The following HMBOX1 variants were observed in gnomAD, a reference collection of about 807,000 sequenced individuals.
HMBOX1 encodes the protein homeobox containing 1, also known as homeobox-containing protein 1.
HMBOX1 carries 14 observed loss-of-function variants against 54.5 expected under a neutral mutation model. That is an observed-to-expected ratio of 0.26 (90% CI 0.17 to 0.40). The LOEUF (loss-of-function observed/expected upper bound fraction) is 0.40, where lower values mean the gene tolerates loss of function less well. Among genes scored for constraint, HMBOX1 ranks in the 10% least tolerant of loss-of-function variants. The pLI, the probability that HMBOX1 is intolerant of heterozygous loss-of-function variation, is 1.00. For missense variants in HMBOX1, 332 were observed against 514.4 expected, an observed-to-expected ratio of 0.65 and a Z score of 3.43; for synonymous variants, 160 against 181.0, an observed-to-expected ratio of 0.88 and a Z score of 0.93.
chr8:29,018,540 T>C (rs1242658039), intron 5 of HMBOX1, among the ~76,000 whole-genome samples: 1 of 152,178 alleles, frequency 6.6e-6, no homozygotes, highest in Non-Finnish European at 1.5e-5. Context: ...TTATAACTTA[T>C]TTGAATGGTT....
intron 4 of HMBOX1, among the ~76,000 whole-genome samples, chr8:29,003,555 A>ATATATATATATATATATAT (rs1832971970): frequency 7.0e-5 from 5 of 71,314 alleles, no homozygotes; most frequent in South Asian, 5.6e-4. Flanking sequence ...TTCTGTATTA[A>ATATATATATATATATATAT]ATATATATAT....
intron 1 of HMBOX1, chr8:28,891,169 GA>G: frequency 6.5e-6 from 1 of 152,970 alleles, no homozygotes; most frequent in South Asian, 2.0e-4. Flanking sequence ...GGGCGGGCGT[GA>G]GGTCCTGGTG....
intron 1 of HMBOX1, among the ~76,000 whole-genome samples, chr8:28,945,407 C>G (rs767225707): frequency 1.3e-5 from 2 of 152,212 alleles, no homozygotes; most frequent in Non-Finnish European, 2.9e-5. Flanking sequence ...CTTACTTTAT[C>G]CAACTCCAAG....
intron 4 of HMBOX1, among the ~76,000 whole-genome samples, chr8:28,983,609 A>G (rs951460369): frequency 6.6e-6 from 1 of 152,170 alleles, no homozygotes; most frequent in Non-Finnish European, 1.5e-5. Context: ...CTTTCCTTAC[A>G]CAAAGAGTCT....
intron 1 of HMBOX1, among the ~76,000 whole-genome samples, chr8:28,910,321 G>A (rs2131656464): frequency 6.6e-6 from 1 of 152,304 alleles, no homozygotes; most frequent in African/African-American, 2.4e-5. Flanking sequence ...CCAGCTGATG[G>A]TTGTTTGGGA....
intron 3 of HMBOX1, among the ~76,000 whole-genome samples, chr8:28,973,570 A>T (rs1308382338): frequency 2.6e-5 from 4 of 152,046 alleles, no homozygotes; most frequent in African/African-American, 9.7e-5. Context: ...TTAGGAATAT[A>T]CTGCCCTTGC....
intron 4 of HMBOX1, among the ~76,000 whole-genome samples, chr8:29,008,206 C>G (rs1833742425): frequency 6.6e-6 from 1 of 152,142 alleles, no homozygotes; most frequent in Non-Finnish European, 1.5e-5. Flanking sequence ...CCTGTTGTTA[C>G]TTGCTTTTGC....
chr8:29,049,763 G>C (rs1806161691), intron 9 of HMBOX1, among the ~76,000 whole-genome samples: 1 of 152,258 alleles, frequency 6.6e-6, no homozygotes, highest in South Asian at 2.1e-4. Flanking sequence ...ATTTTGATAG[G>C]ATTTAAATTT....
At chr8:29,040,185 T>G (rs565894334) in intron 6 of HMBOX1, among the ~76,000 whole-genome samples, 2 of 152,334 alleles carry the variant, frequency 1.3e-5, no homozygotes, top group South Asian at 4.1e-4. Context: ...ATGCATTTTG[T>G]CAGTTATGTT....
intron 1 of HMBOX1, among the ~76,000 whole-genome samples, chr8:28,903,805 A>G (rs771517005): frequency 5.9e-5 from 9 of 152,198 alleles, no homozygotes; most frequent in Admixed American, 2.0e-4. Flanking sequence ...ATATATAGAC[A>G]TACATGCATT....
At chr8:28,901,180 C>A (rs1813173116) in intron 1 of HMBOX1, among the ~76,000 whole-genome samples, 1 of 151,762 alleles carries the variant, frequency 6.6e-6, no homozygotes, top group South Asian at 2.1e-4. Flanking sequence ...GGTAATACTC[C>A]CCTCCTTAAT....
intron 1 of HMBOX1, among the ~76,000 whole-genome samples, chr8:28,903,620 C>G (rs1813673788): frequency 6.6e-6 from 1 of 152,086 alleles, no homozygotes; most frequent in Non-Finnish European, 1.5e-5. Context: ...ACAAAGATAT[C>G]TCATTTGGCA....
intron 1 of HMBOX1, among the ~76,000 whole-genome samples, chr8:28,925,831 TTC>T (rs1156987486): frequency 6.6e-6 from 1 of 152,216 alleles, no homozygotes; most frequent in African/African-American, 2.4e-5. Context: ...CTAATGACTT[TTC>T]TCTCAATTGT....
rs1285142376 is a variant in HMBOX1, at chr8:29,052,982, A to G, written c.*1827A>G. The G allele has an allele frequency of 1.3e-5, 2 of 152,384 alleles. No individual in the cohort carries two copies. Among genetic ancestry groups the G allele is most frequent in the African/African-American group, 4.8e-5 (2 of 41,458 alleles). The allele number at this position is 152,384 out of a possible 1,614,324, so 9.4% of individuals were successfully genotyped here. A position where few individuals can be genotyped will look rare whatever the true frequency, so the allele number is the denominator to read the frequency against. On this transcript the variant is annotated 3_prime_UTR_variant, in exon 10 of 10. Coordinates refer to ENST00000287701, the MANE Select transcript of HMBOX1 (RefSeq NM_001135726.3). ...TATTCAACTTAAAACTGTGAGAGAG[A>G]GAGACTGAATGACCTTCCTCAGTTT... is the stretch of plus-strand genomic sequence containing the variant.
At chr8:28,977,923 G>A (rs1357236697) in intron 3 of HMBOX1, among the ~76,000 whole-genome samples, 1 of 149,118 alleles carries the variant, frequency 6.7e-6, no homozygotes, top group African/African-American at 2.5e-5. Flanking sequence ...CAGCCTGGGC[G>A]ACTGAGCGAG....
At position 28,936,849 on chromosome 8, in the gene HMBOX1, G is replaced by C. The variant is rs78266404; in HGVS notation, c.-57-26962G>C. On this transcript the variant is annotated intron_variant, in intron 1 of 9. Coordinates refer to ENST00000287701, the MANE Select transcript of HMBOX1 (RefSeq NM_001135726.3). ...AAGGCCACTTTCAAAGAGTTGTGCT[G>C]AGGGTTTTGGGGGCAAGAAAGATTA... is the stretch of plus-strand genomic sequence containing the variant. 5.7e-3 allele frequency among the ~76,000 whole-genome samples: 853 copies of C among 149,228 alleles called. 4 individuals carry two copies. Among genetic ancestry groups the C allele is most frequent in the African/African-American group, 0.02 (828 of 40,672 alleles).
chr8:28,911,932 A>G (rs1815523679), intron 1 of HMBOX1, among the ~76,000 whole-genome samples: 1 of 152,168 alleles, frequency 6.6e-6, no homozygotes, highest in South Asian at 2.1e-4. Context: ...ATGGTGCAAA[A>G]GTGATATGCA....
chr8:28,900,529 C>G (rs142503816), intron 1 of HMBOX1, among the ~76,000 whole-genome samples: 350 of 152,012 alleles, frequency 2.3e-3, no homozygotes, highest in African/African-American at 8.0e-3. Flanking sequence ...TCATATTAAA[C>G]ACTGTGTCCA....
At chr8:28,991,220 T>G (rs887224548) in intron 4 of HMBOX1, among the ~76,000 whole-genome samples, 1 of 152,222 alleles carries the variant, frequency 6.6e-6, no homozygotes, top group East Asian at 1.9e-4. Context: ...GTAGAGATTA[T>G]TAGGTCCTTA....
Sources: allele counts gnomAD v4.1 joint callset (sites outside exome capture counted in the v4.1 genomes callset), GRCh38; gene constraint gnomAD v4.1.1; transcripts MANE v1.5; gene names NCBI Gene and HGNC (gene_info 2026-07-23, HGNC 2026-07-21).